Variants in MALT1 observed in about 807,000 individuals in gnomAD.
MALT1 encodes the protein mucosa-associated lymphoid tissue lymphoma translocation protein 1.
Under a neutral mutation model 85.5 loss-of-function variants are expected in MALT1, and 36 were observed. The ratio of observed to expected loss-of-function variants is 0.42; its 90% CI spans 0.32 to 0.56. The LOEUF (loss-of-function observed/expected upper bound fraction) is 0.56, where lower values mean the gene tolerates loss of function less well. MALT1 is among the 20% of genes least tolerant of loss of function. The pLI is 0.10. For missense variants in MALT1, 716 were observed against 981.6 expected (o/e 0.73, Z 3.62); for synonymous variants, 359 against 361.3 (o/e 0.99, Z 0.07).
intron 2 of MALT1, among the ~76,000 whole-genome samples, chr18:58,685,805 G>A (rs973432702): frequency 3.3e-5 from 5 of 151,996 alleles, no homozygotes; most frequent in African/African-American, 7.3e-5. Context: ...ATTTTCCAGC[G>A]CTAGTAAATT....
rs890022713 is a variant in MALT1 at position 58,753,846 on chromosome 18, T to C, written c.*6004T>C. The stretch of plus-strand genomic sequence containing the variant: ...TCTTCAGTTTAAAAGTACAGTGTCA[T>C]TACAGAGTGCTTATTCTGTTACAAA... On this transcript the variant is annotated 3_prime_UTR_variant, in exon 17 of 17. Transcript: ENST00000649217. 1 of 152,220 alleles carries C rather than the reference T, an allele frequency of 6.6e-6. No individual in the cohort carries two copies. Among genetic ancestry groups the C allele is most frequent in the Non-Finnish European group, 1.5e-5 (1 of 68,038 alleles). 9.4% of individuals were successfully genotyped at this position (152,220 alleles called of 1,614,324 possible). A position where few individuals can be genotyped will look rare whatever the true frequency, so the allele number is the denominator to read the frequency against.
Position 58,700,428 on chromosome 18 carries a change from G to A in MALT1, c.499-13G>A. 1 of 1,580,342 alleles carries A rather than the reference G, an allele frequency of 6.3e-7. No homozygotes were observed. The highest frequency in any genetic ancestry group is 1.2e-5 in the South Asian group (1 of 85,092). On this transcript the variant is annotated splice_polypyrimidine_tract_variant and intron_variant, in intron 3 of 16. Transcript: ENST00000649217. ...TGATGAGTCATCCACTTCTCTTATT[G>A]ATTCTTTCACAGATTCCAAATGGAA...
In MALT1 at chr18:58,747,464, A is replaced by G; in HGVS notation, c.2097A>G (p.Val699=). 2 of 1,613,934 alleles carry G rather than the reference A, an allele frequency of 1.2e-6. No individual in the cohort carries two copies. The highest frequency in any genetic ancestry group is 1.7e-6 in the Non-Finnish European group (2 of 1,179,774). The change falls in exon 17 of 17, where the codon GTA becomes GTG. Residue 699 remains valine, a synonymous_variant. Coordinates refer to ENST00000649217, the MANE Select transcript of MALT1 (RefSeq NM_006785.4). ...AGTACTCAGGATTGGAAGATACTGTAGAGGACAAGCAGGAAGTGAATGTTG... is the reference window on the plus strand; with the variant it reads ...AGTACTCAGGATTGGAAGATACTGTGGAGGACAAGCAGGAAGTGAATGTTG... ...SYQYSGLEDT[V]EDKQEVNVGK... is the part of the protein sequence containing the mutation.
intron 16 of MALT1, among the ~76,000 whole-genome samples, chr18:58,746,584 C>T (rs1328216076): frequency 3.3e-5 from 5 of 152,090 alleles, no homozygotes; most frequent in East Asian, 1.9e-4. Context: ...TCATCCTGTT[C>T]GGAGCTCATC....
Position 58,675,827 on chromosome 18 carries a change from C to T in MALT1, c.209+3975C>T, listed in dbSNP as rs376130333. Among the ~76,000 whole-genome samples the T allele has an allele frequency of 1.9e-3, 288 of 152,324 alleles. 3 individuals are homozygous for T. Among genetic ancestry groups the T allele is most frequent in the Admixed American group, 4.6e-3 (71 of 15,306 alleles). ...TCTCTGCTTTGAACTCCTAGATTCA[C>T]GTATGTAAACACTTGTTTGCCATCT... On this transcript the variant is annotated intron_variant, in intron 1 of 16. Coordinates refer to ENST00000649217, the MANE Select transcript of MALT1 (RefSeq NM_006785.4).
chr18:58,726,137 C>T (rs939376282), intron 10 of MALT1, among the ~76,000 whole-genome samples: 1 of 152,130 alleles, frequency 6.6e-6, no homozygotes, highest in African/African-American at 2.4e-5. Context: ...GACAAGACTG[C>T]AGTTTAGGCT....
intron 4 of MALT1, among the ~76,000 whole-genome samples, chr18:58,705,697 G>A (rs1411352065): frequency 6.6e-6 from 1 of 151,270 alleles, no homozygotes; most frequent in African/African-American, 2.4e-5. Context: ...GTGTATATGT[G>A]CCACATTTTC....
chr18:58,723,469 A>G lies in MALT1; in HGVS notation c.1222+218A>G, dbSNP rs538275395. ...TTTATGTTTCCTGTTTTGTCAAAACATATTTTTCTTACTAGAATTCTTACC... is the reference window on the plus strand; with the variant it reads ...TTTATGTTTCCTGTTTTGTCAAAACGTATTTTTCTTACTAGAATTCTTACC... On this transcript the variant is annotated intron_variant, in intron 10 of 16. Transcript: ENST00000649217. 2.0e-5 allele frequency among the ~76,000 whole-genome samples: 3 copies of G among 152,262 alleles called. No individual in the cohort carries two copies. The East Asian group carries it at 5.8e-4, about 29-fold the overall frequency.
At chr18:58,704,870 C>G (rs751076011) in intron 4 of MALT1, among the ~76,000 whole-genome samples, 3 of 151,890 alleles carry the variant, frequency 2.0e-5, no homozygotes, top group Non-Finnish European at 2.9e-5. Context: ...GCTTTTTGCT[C>G]TAGTCTAGAA....
chr18:58,748,798 C>T lies in MALT1; in HGVS notation c.*956C>T, dbSNP rs888018257. ...ACTGAATTAGTAATTTTAAAAGTCT[C>T]ACAAAGAAAATCCCAGGCCTAGATG... On this transcript the variant is annotated 3_prime_UTR_variant, in exon 17 of 17. Transcript: ENST00000649217. 1 of 200,454 alleles carries T rather than the reference C, an allele frequency of 5.0e-6. No individual in the cohort carries two copies. The highest frequency in any genetic ancestry group is 7.7e-5 in the East Asian group (1 of 13,008). The allele number at this position is 200,454 out of a possible 1,614,324, so 12.4% of individuals were successfully genotyped here.
chr18:58,679,589 T>C (rs2054290296), intron 1 of MALT1, among the ~76,000 whole-genome samples: 1 of 152,248 alleles, frequency 6.6e-6, no homozygotes, highest in African/African-American at 2.4e-5. Flanking sequence ...AGTCTCGATC[T>C]GTCGCCCAAG....
At chr18:58,738,954 A>G (rs1039128364) in intron 13 of MALT1, among the ~76,000 whole-genome samples, 2 of 152,222 alleles carry the variant, frequency 1.3e-5, no homozygotes, top group African/African-American at 4.8e-5. Context: ...ATGTCTTCAC[A>G]TTTAGAATAA....
At chr18:58,725,537 T>C (rs1267231034) in intron 10 of MALT1, among the ~76,000 whole-genome samples, 1 of 152,188 alleles carries the variant, frequency 6.6e-6, no homozygotes, top group Non-Finnish European at 1.5e-5. Context: ...ATTATACAAT[T>C]GATCTCAGCT....
At chr18:58,713,658 A>G (rs1057406483) in intron 7 of MALT1, among the ~76,000 whole-genome samples, 3 of 152,222 alleles carry the variant, frequency 2.0e-5, no homozygotes, top group East Asian at 3.8e-4. Flanking sequence ...CTAGGCTAAC[A>G]TAAGATGTTA....
chr18:58,702,220 C>CAAAAAAAAAAAAA (rs11380709), intron 4 of MALT1, among the ~76,000 whole-genome samples: 1 of 114,624 alleles, frequency 8.7e-6, no homozygotes, highest in Non-Finnish European at 1.7e-5. Flanking sequence ...AAAAAAAATG[C>CAAAAAAAAAAAAA]AAAAAAAAAA....
chr18:58,686,842 C>T (rs1266308394), intron 2 of MALT1, among the ~76,000 whole-genome samples: 2 of 152,124 alleles, frequency 1.3e-5, no homozygotes, highest in African/African-American at 2.4e-5. Context: ...TTCTGTGAAG[C>T]GACAGAACAG....
chr18:58,722,045 G>T (rs1196712926), intron 9 of MALT1, among the ~76,000 whole-genome samples: 1 of 152,070 alleles, frequency 6.6e-6, no homozygotes, highest in African/African-American at 2.4e-5. Flanking sequence ...CAGCCCTCAA[G>T]AAGAAAGCCG....
rs965162470 is a variant in MALT1, at chr18:58,753,890, G to C, written c.*6048G>C. 2.0e-5 allele frequency: 3 copies of C among 152,196 alleles called. No homozygotes were observed. The highest frequency in any genetic ancestry group is 7.2e-5 in the African/African-American group (3 of 41,452). The allele number at this position is 152,196 out of a possible 1,614,324, so 9.4% of individuals were successfully genotyped here. A position where few individuals can be genotyped will look rare whatever the true frequency, so the allele number is the denominator to read the frequency against. ...TTACAAAATTAGTAAAGCTGATTCTGCCTCTAAATCTGAAGTAATTCCCAC... is the reference window on the plus strand; with the variant it reads ...TTACAAAATTAGTAAAGCTGATTCTCCCTCTAAATCTGAAGTAATTCCCAC... On this transcript the variant is annotated 3_prime_UTR_variant, in exon 17 of 17. Transcript: ENST00000649217.
At chr18:58,727,616 G>GGTTTTTTTTT (rs1555688173) in intron 10 of MALT1, among the ~76,000 whole-genome samples, 8 of 121,254 alleles carry the variant, frequency 6.6e-5, no homozygotes, top group African/African-American at 2.3e-4. Context: ...GGTTTTTTGT[G>GGTTTTTTTTT]TTTTTTTTTT....
Sources: gnomAD v4.1 joint callset for allele counts (sites outside exome capture counted in the v4.1 genomes callset) on GRCh38, gnomAD v4.1.1 for gene constraint, MANE v1.5 for transcripts, NCBI Gene and HGNC (gene_info 2026-07-23, HGNC 2026-07-21) for gene names.